Variants in KCNB2 observed in about 807,000 individuals in gnomAD.
KCNB2 encodes potassium voltage-gated channel subfamily B member 2, also known as delayed rectifier potassium channel protein.
A neutral mutation model predicts 61.5 loss-of-function variants in KCNB2; 15 were observed. The observed-to-expected ratio is 0.24, with a 90% CI of 0.16 to 0.38. The LOEUF (loss-of-function observed/expected upper bound fraction) is 0.38, where lower values mean the gene tolerates loss of function less well. Among genes scored for constraint, KCNB2 ranks in the 10% least tolerant of loss-of-function variants. The pLI, the probability that KCNB2 is intolerant of heterozygous loss-of-function variation, is 1.00. For missense variants in KCNB2, 828 were observed against 1,125.2 expected, an observed-to-expected ratio of 0.74 and a Z score of 3.78; for synonymous variants, 457 against 446.0, an observed-to-expected ratio of 1.02 and a Z score of -0.31.
intron 2 of KCNB2, among the ~76,000 whole-genome samples, chr8:72,701,135 CTGGGTGATGGCA>C (rs1377361057): frequency 6.6e-6 from 1 of 152,096 alleles, no homozygotes; most frequent in Non-Finnish European, 1.5e-5. Context: ...TGCTCATTAC[CTGGGTGATGGCA>C]TCAGTCGTAC....
At chr8:72,777,716 T>G (rs2128997634) in intron 2 of KCNB2, among the ~76,000 whole-genome samples, 1 of 152,314 alleles carries the variant, frequency 6.6e-6, no homozygotes, top group South Asian at 2.1e-4. Context: ...CCTAATTTAC[T>G]TCTTACACTC....
At chr8:72,678,853 G>A (rs1156697359) in intron 2 of KCNB2, among the ~76,000 whole-genome samples, 1 of 152,154 alleles carries the variant, frequency 6.6e-6, no homozygotes, top group Admixed American at 6.5e-5. Context: ...GCTATGTTGT[G>A]CTCATCCTGC....
At chr8:72,924,777 C>A (rs569707722) in intron 2 of KCNB2, among the ~76,000 whole-genome samples, 1 of 152,084 alleles carries the variant, frequency 6.6e-6, no homozygotes, top group Non-Finnish European at 1.5e-5. Context: ...AATGAAAGGC[C>A]CTTGTCTGTG....
intron 2 of KCNB2, among the ~76,000 whole-genome samples, chr8:72,683,497 G>A (rs960078189): frequency 1.3e-5 from 2 of 152,168 alleles, no homozygotes; most frequent in Non-Finnish European, 1.5e-5. Flanking sequence ...AGGCTAACTC[G>A]TAGGATCTGG....
At chr8:72,594,362 A>T (rs948716967) in intron 2 of KCNB2, among the ~76,000 whole-genome samples, 4 of 152,192 alleles carry the variant, frequency 2.6e-5, no homozygotes, top group Non-Finnish European at 1.5e-5. Context: ...TGGTCCAGTT[A>T]TGCTTATATC....
intron 1 of KCNB2, among the ~76,000 whole-genome samples, chr8:72,553,870 T>G (rs1806381892): frequency 6.6e-6 from 1 of 152,126 alleles, no homozygotes; most frequent in South Asian, 2.1e-4. Flanking sequence ...CAGTGCTTCA[T>G]GGGTAGTAGA....
intron 2 of KCNB2, among the ~76,000 whole-genome samples, chr8:72,672,027 G>A (rs1258423169): frequency 6.6e-6 from 1 of 152,102 alleles, no homozygotes; most frequent in Non-Finnish European, 1.5e-5. Context: ...TGGTTGAATC[G>A]TTGTTTGTTA....
At chr8:72,825,743 G>T (rs1209635906) in intron 2 of KCNB2, among the ~76,000 whole-genome samples, 1 of 152,044 alleles carries the variant, frequency 6.6e-6, no homozygotes, top group Non-Finnish European at 1.5e-5. Context: ...TAATTGCATT[G>T]TTTGGTTTTT....
chr8:72,667,672 AC>A (rs1486956213), intron 2 of KCNB2, among the ~76,000 whole-genome samples: 2 of 151,584 alleles, frequency 1.3e-5, no homozygotes, highest in Non-Finnish European at 2.9e-5. Flanking sequence ...AACCTCCCTC[AC>A]CCCAGCCCCA....
At chr8:72,674,004 G>C (rs1271137045) in intron 2 of KCNB2, among the ~76,000 whole-genome samples, 2 of 152,178 alleles carry the variant, frequency 1.3e-5, no homozygotes, top group Non-Finnish European at 2.9e-5. Flanking sequence ...CTATGAATTA[G>C]TAGTTTCATT....
At chr8:72,572,545 C>T (rs527240517) in intron 2 of KCNB2, among the ~76,000 whole-genome samples, 118 of 151,592 alleles carry the variant, frequency 7.8e-4, no homozygotes, top group African/African-American at 2.7e-3. Flanking sequence ...CTCCCCGCTC[C>T]TCCTCTCTCT....
chr8:72,736,701 A>T (rs189968083), intron 2 of KCNB2, among the ~76,000 whole-genome samples: 1 of 152,262 alleles, frequency 6.6e-6, no homozygotes, highest in East Asian at 1.9e-4. Flanking sequence ...TTCTAAATTA[A>T]CCTAAAGTTT....
At chr8:72,761,797 A>AG (rs1808385968) in intron 2 of KCNB2, among the ~76,000 whole-genome samples, 1 of 151,868 alleles carries the variant, frequency 6.6e-6, no homozygotes, top group African/African-American at 2.4e-5. Context: ...TACTGTTACA[A>AG]AAAAAGGAAG....
chr8:72,713,585 G>T (rs1007704922), intron 2 of KCNB2, among the ~76,000 whole-genome samples: 1 of 152,202 alleles, frequency 6.6e-6, no homozygotes, highest in Non-Finnish European at 1.5e-5. Context: ...TCCAACAGAC[G>T]TGCAGCTGAG....
At position 72,935,802 on chromosome 8, in the gene KCNB2, A is replaced by C. The variant is rs544082577; in HGVS notation, c.580-133A>C. On this transcript the variant is annotated intron_variant, in intron 2 of 2. Transcript: ENST00000523207. ...GTTAGTTAGGGAATTTTAAGTTGTA[A>C]AATTACCTTCTTATAATCTTCTTGG... The C allele has an allele frequency of 1.1e-4, 78 of 706,622 alleles. No homozygotes were observed. In the South Asian group the frequency reaches 1.3e-3, roughly 12 times the overall value. 43.8% of individuals were successfully genotyped at this position (706,622 alleles called of 1,614,324 possible).
At chr8:72,764,502 A>G (rs1269973115) in intron 2 of KCNB2, among the ~76,000 whole-genome samples, 2 of 152,172 alleles carry the variant, frequency 1.3e-5, no homozygotes, top group Non-Finnish European at 2.9e-5. Context: ...AAGGACAGCC[A>G]TGGGAAACAG....
intron 2 of KCNB2, among the ~76,000 whole-genome samples, chr8:72,828,682 G>T (rs1244548728): frequency 6.6e-6 from 1 of 152,134 alleles, no homozygotes; most frequent in Admixed American, 6.5e-5. Flanking sequence ...TTCAAACCAA[G>T]CTAAGATCAT....
At chr8:72,692,602 T>C (rs1461846029) in intron 2 of KCNB2, among the ~76,000 whole-genome samples, 4 of 152,144 alleles carry the variant, frequency 2.6e-5, no homozygotes, top group Admixed American at 2.6e-4. Context: ...TCTAGGCTTG[T>C]ACCCACCAAA....
intron 2 of KCNB2, among the ~76,000 whole-genome samples, chr8:72,743,623 G>A (rs972900938): frequency 2.0e-5 from 3 of 152,092 alleles, no homozygotes; most frequent in Non-Finnish European, 2.9e-5. Flanking sequence ...ATTCTAAATT[G>A]GATAAATTGT....
Sources: allele counts gnomAD v4.1 joint callset (sites outside exome capture counted in the v4.1 genomes callset), GRCh38; gene constraint gnomAD v4.1.1; transcripts MANE v1.5; gene names NCBI Gene and HGNC (gene_info 2026-07-23, HGNC 2026-07-21).